DOCK2: variants seen among roughly 807,000 people sequenced by gnomAD.
DOCK2 encodes dedicator of cytokinesis 2.
Under a neutral mutation model 248.9 loss-of-function variants are expected in DOCK2, and 87 were observed. The observed-to-expected ratio is 0.35, with a 90% CI of 0.29 to 0.42. The LOEUF (loss-of-function observed/expected upper bound fraction) is 0.42, where lower values mean the gene tolerates loss of function less well. Among genes scored for constraint, DOCK2 ranks in the 10% least tolerant of loss-of-function variants. The probability of loss-of-function intolerance (pLI) is 1.00; values close to 1 mark genes in which losing one functional copy is unlikely to be tolerated. For synonymous variants in DOCK2, 805 were observed against 821.6 expected, an observed-to-expected ratio of 0.98 and a Z score of 0.35; for missense variants, 1,747 against 2,300.2, an observed-to-expected ratio of 0.76 and a Z score of 4.92.
At chr5:169,962,834 C>A (rs567740975) in intron 27 of DOCK2, among the ~76,000 whole-genome samples, 1 of 152,070 alleles carries the variant, frequency 6.6e-6, no homozygotes, top group African/African-American at 2.4e-5. Flanking sequence ...GAAAGGGTAT[C>A]GAGGCCAGAC....
chr5:169,791,140 A>G (rs1766313796), intron 25 of DOCK2, among the ~76,000 whole-genome samples: 1 of 152,204 alleles, frequency 6.6e-6, no homozygotes, highest in African/African-American at 2.4e-5. Flanking sequence ...ACACTCACTC[A>G]TTCATCTAAC....
chr5:169,731,715 G>A (rs1240769131), intron 22 of DOCK2, among the ~76,000 whole-genome samples: 1 of 152,104 alleles, frequency 6.6e-6, no homozygotes, highest in East Asian at 1.9e-4. Context: ...TAATTTGCTG[G>A]GCTAAAGGGT....
intron 30 of DOCK2, among the ~76,000 whole-genome samples, chr5:169,997,785 C>T (rs928125545): frequency 1.3e-5 from 2 of 152,074 alleles, no homozygotes; most frequent in Non-Finnish European, 2.9e-5. Flanking sequence ...ATGTCTACTT[C>T]TTTCTACACA....
intron 13 of DOCK2, among the ~76,000 whole-genome samples, chr5:169,701,088 C>G (rs1760943558): frequency 6.6e-6 from 1 of 152,164 alleles, no homozygotes; most frequent in Admixed American, 6.5e-5. Context: ...CCTGTTTCAG[C>G]CTTATGAGGG....
At chr5:169,900,480 G>A (rs1274614768) in intron 27 of DOCK2, among the ~76,000 whole-genome samples, 1 of 152,172 alleles carries the variant, frequency 6.6e-6, no homozygotes, top group Non-Finnish European at 1.5e-5. Flanking sequence ...CAGGAGGCAT[G>A]GCATGAAGGA....
intron 27 of DOCK2, among the ~76,000 whole-genome samples, chr5:169,925,571 C>A (rs1775396859): frequency 8.9e-6 from 1 of 112,018 alleles, no homozygotes. Context: ...CAGAGCAAGA[C>A]TCTGTCTTAA....
chr5:169,949,248 T>C (rs1776564674), intron 27 of DOCK2, among the ~76,000 whole-genome samples: 2 of 152,332 alleles, frequency 1.3e-5, no homozygotes, highest in South Asian at 4.1e-4. Context: ...GTGGTAGGGA[T>C]CCATTGAAGA....
chr5:170,016,200 C>G (rs1755533730), intron 32 of DOCK2, among the ~76,000 whole-genome samples: 1 of 152,190 alleles, frequency 6.6e-6, no homozygotes, highest in African/African-American at 2.4e-5. Flanking sequence ...CTTTAATAGC[C>G]TTTTCTAATT....
Position 169,714,038 on chromosome 5 carries a change from A to G in DOCK2, c.1670A>G (p.Lys557Arg), listed in dbSNP as rs1390633737. Residue 557 changes from lysine to arginine, a missense_variant, in exon 18 of 52, where the codon AAG becomes AGG. Coordinates refer to ENST00000520908, the MANE Select transcript of DOCK2 (RefSeq NM_004946.3). ...AAGTGTTGTTTCCAGGGGGACAGCA[A>G]GAAGATGGAGGATGCCAGCGCATAC... ...HDLVVLKGDSKKMEDASAYLT... is the reference protein window; with the variant it reads ...HDLVVLKGDSRKMEDASAYLT... The G allele has an allele frequency of 3.1e-6, 5 of 1,598,074 alleles. No homozygotes were observed. The South Asian group carries it at 5.6e-5, about 18-fold the overall frequency.
intron 6 of DOCK2, among the ~76,000 whole-genome samples, chr5:169,680,106 T>C (rs1281226145): frequency 6.6e-6 from 1 of 152,226 alleles, no homozygotes; most frequent in South Asian, 2.1e-4. Context: ...AAGCTCCTCC[T>C]ATCTATTATA....
intron 46 of DOCK2, among the ~76,000 whole-genome samples, chr5:170,073,052 T>C (rs1371270074): frequency 6.6e-6 from 1 of 152,228 alleles, no homozygotes; most frequent in African/African-American, 2.4e-5. Context: ...GATTAGTGCT[T>C]TTGTGTCCAC....
At chr5:169,933,181 AAG>A (rs1775835948) in intron 27 of DOCK2, among the ~76,000 whole-genome samples, 1 of 152,194 alleles carries the variant, frequency 6.6e-6, no homozygotes, top group African/African-American at 2.4e-5. Context: ...TGTACCCTGA[AAG>A]AGAGAGGAGA....
chr5:169,883,138 T>C, intron 27 of DOCK2: 1 of 1,551,544 alleles, frequency 6.4e-7, no homozygotes, highest in Non-Finnish European at 8.7e-7. Context: ...GGAGGTGGAT[T>C]TTTCTGAATC....
chr5:169,882,719 T>A, intron 27 of DOCK2: 2 of 1,552,028 alleles, frequency 1.3e-6, no homozygotes. Context: ...CTAATCTCCC[T>A]GTTGCTCTGA....
At chr5:169,828,668 T>C (rs575427063) in intron 26 of DOCK2, among the ~76,000 whole-genome samples, 1 of 152,162 alleles carries the variant, frequency 6.6e-6, no homozygotes, top group Non-Finnish European at 1.5e-5. Context: ...AACCCCTTAG[T>C]CTTTTGTATG....
chr5:170,044,657 G>A (rs1384838499), intron 38 of DOCK2, among the ~76,000 whole-genome samples: 3 of 152,154 alleles, frequency 2.0e-5, no homozygotes, highest in Admixed American at 6.5e-5. Flanking sequence ...CCTCTTCCCA[G>A]CACATAAAGC....
At chr5:169,996,474 CT>C (rs1189273460) in intron 30 of DOCK2, among the ~76,000 whole-genome samples, 1 of 151,958 alleles carries the variant, frequency 6.6e-6, no homozygotes, top group African/African-American at 2.4e-5. Context: ...CTTTTTTTTA[CT>C]TTTCTATTCT....
intron 27 of DOCK2, among the ~76,000 whole-genome samples, chr5:169,937,017 AGAGGCTGGGTATTTGGTGAG>A (rs1776029519): frequency 1.3e-5 from 2 of 152,160 alleles, no homozygotes. Flanking sequence ...ACTGTGGAGG[AGAGGCTGGGTATTTGGTGAG>A]GAGGGAGGGG....
At chr5:169,699,933 CAG>C (rs1760868144) in intron 12 of DOCK2, 79 bp from the exon 13 acceptor site, 1 of 1,577,254 alleles carries the variant, frequency 6.3e-7, no homozygotes, top group Admixed American at 1.7e-5. Context: ...TCCAGAAAGA[CAG>C]AGGGGAGAGG....
Sources: gnomAD v4.1 joint callset for allele counts (sites outside exome capture counted in the v4.1 genomes callset) on GRCh38, gnomAD v4.1.1 for gene constraint, MANE v1.5 for transcripts, NCBI Gene and HGNC (gene_info 2026-07-23, HGNC 2026-07-21) for gene names.